CALD1: variants seen among roughly 807,000 people sequenced by gnomAD.
The protein encoded by CALD1 is caldesmon 1, also known as caldesmon.
In CALD1, 33 loss-of-function variants were observed where a neutral mutation model predicts 99.9. The ratio of observed to expected loss-of-function variants is 0.33; its 90% CI spans 0.25 to 0.44. The LOEUF (loss-of-function observed/expected upper bound fraction) is 0.44, where lower values mean the gene tolerates loss of function less well. Among genes scored for constraint, CALD1 ranks in the 20% least tolerant of loss-of-function variants. The probability of loss-of-function intolerance (pLI) is 1.00; values close to 1 mark genes in which losing one functional copy is unlikely to be tolerated. For synonymous variants in CALD1, 310 were observed against 325.0 expected, an observed-to-expected ratio of 0.95 and a Z score of 0.50; for missense variants, 861 against 962.1, an observed-to-expected ratio of 0.89 and a Z score of 1.39.
upstream of CALD1, among the ~76,000 whole-genome samples, chr7:134,739,540 G>A (rs143271714): frequency 1.5e-3 from 236 of 152,266 alleles, 2 homozygotes; most frequent in African/African-American, 5.4e-3. Flanking sequence ...TCCCGTGCAG[G>A]TAGGGTGGTC....
chr7:134,868,009 T>C, intron 3 of CALD1: 1 of 383,606 alleles, frequency 2.6e-6, no homozygotes. Flanking sequence ...AAAAGAGAGA[T>C]TTGAGAGGAA....
At chr7:134,791,704 G>T (rs960401351) in intron 1 of CALD1, among the ~76,000 whole-genome samples, 2 of 152,176 alleles carry the variant, frequency 1.3e-5, no homozygotes, top group Admixed American at 1.3e-4. Flanking sequence ...AAATAGTCTG[G>T]TCATCTTCTC....
Position 134,851,486 on chromosome 7 carries a change from G to A in CALD1, c.-42+7515G>A, listed in dbSNP as rs570136575. On this transcript the variant is annotated intron_variant, in intron 2 of 14. Coordinates refer to ENST00000361675, the MANE Select transcript of CALD1 (RefSeq NM_033138.4). ...CAAGCACTTGCTTAGAAACAGAGAC[G>A]AGTACAACCTAATGTCAGAGCTGGC... Among the ~76,000 whole-genome samples the A allele has an allele frequency of 3.9e-5, 6 of 152,304 alleles. No homozygotes were observed. The South Asian group carries it at 6.2e-4, about 16-fold the overall frequency.
intron 1 of CALD1, among the ~76,000 whole-genome samples, chr7:134,819,859 T>G (rs768478850): frequency 6.7e-6 from 1 of 150,254 alleles, no homozygotes; most frequent in African/African-American, 2.4e-5. Context: ...CTAGGCAACA[T>G]AGTGACAATC....
At chr7:134,743,730 T>C (rs747384841), upstream of CALD1, among the ~76,000 whole-genome samples, 4 of 152,248 alleles carry the variant, frequency 2.6e-5, no homozygotes, top group Non-Finnish European at 5.9e-5. Flanking sequence ...TGACAGTGTC[T>C]GTAGTCTAAC....
chr7:134,906,289 T>C (rs1215998656), intron 3 of CALD1, among the ~76,000 whole-genome samples: 1 of 152,164 alleles, frequency 6.6e-6, no homozygotes, highest in East Asian at 1.9e-4. Context: ...AACTGAGACC[T>C]GGAAAGAAAT....
chr7:134,917,410 G>A (rs1050923048), intron 3 of CALD1, among the ~76,000 whole-genome samples: 3 of 152,070 alleles, frequency 2.0e-5, no homozygotes, highest in East Asian at 1.9e-4. Context: ...GTGCAATGGC[G>A]TGGTCTCAGC....
chr7:134,726,440 T>A, the CALD1 span, among the ~76,000 whole-genome samples: 1 of 91,084 alleles, frequency 1.1e-5, no homozygotes, highest in African/African-American at 4.3e-5. Context: ...ATTATATAGC[T>A]TTATATATAT....
At chr7:134,872,450 C>G (rs1172866682) in intron 3 of CALD1, among the ~76,000 whole-genome samples, 1 of 151,546 alleles carries the variant, frequency 6.6e-6, no homozygotes, top group Admixed American at 6.6e-5. Context: ...TCCTTGTCTT[C>G]CATTTGGCTT....
chr7:134,841,842 A>T (rs1799663517), intron 1 of CALD1, among the ~76,000 whole-genome samples: 1 of 152,088 alleles, frequency 6.6e-6, no homozygotes, highest in South Asian at 2.1e-4. Flanking sequence ...AAGTTTCATG[A>T]TCCCAGAGCA....
chr7:134,740,493 C>T (rs904819398), upstream of CALD1, among the ~76,000 whole-genome samples: 2 of 152,034 alleles, frequency 1.3e-5, no homozygotes, highest in African/African-American at 4.8e-5. Flanking sequence ...GTGAAAAGGC[C>T]CTGGGGGTCT....
chr7:134,843,068 A>G (rs1364474090), intron 1 of CALD1, among the ~76,000 whole-genome samples: 1 of 152,168 alleles, frequency 6.6e-6, no homozygotes, highest in Non-Finnish European at 1.5e-5. Context: ...AGACAGGCTC[A>G]TTTGCCTAAC....
chr7:134,938,920 T>C (rs956299752), intron 6 of CALD1, among the ~76,000 whole-genome samples: 14 of 152,082 alleles, frequency 9.2e-5, no homozygotes, highest in Non-Finnish European at 2.1e-4. Flanking sequence ...TTGGGGAGAA[T>C]GGAAATTTTT....
chr7:134,737,098 A>G, the CALD1 span, among the ~76,000 whole-genome samples: 1 of 152,124 alleles, frequency 6.6e-6, no homozygotes, highest in South Asian at 2.1e-4. Flanking sequence ...CTTCAAGCAA[A>G]TGACATCTGA....
Position 134,960,050 on chromosome 7 carries a change from A to G in CALD1, c.2138A>G (p.Lys713Arg). 3 of 1,614,182 alleles carry G rather than the reference A, an allele frequency of 1.9e-6. No individual in the cohort carries two copies. Among genetic ancestry groups the G allele is most frequent in the Non-Finnish European group, 2.5e-6 (3 of 1,180,010 alleles). Residue 713 changes from lysine (K) to arginine (R), a missense_variant, in exon 12 of 15, where the codon AAG (lysine) becomes AGG (arginine). Physicochemically the swap from Lys to Arg is conservative, Grantham distance 26. Around this residue, in one of 5 missense-constraint regions of CALD1, gnomAD observed 190 missense variants for 249.0 expected, o/e 0.76. Transcript: ENST00000361675. The part of the protein sequence containing the change: ...PVPAEGVRNI[K>R]SMWEKGNVFS... ...CCTGCTGAAGGTGTACGCAACATCA[A>G]GAGTATGTGGGAGAAAGGGAATGTG...
chr7:134,729,515 C>G, the CALD1 span, among the ~76,000 whole-genome samples: 2,728 of 152,300 alleles, frequency 0.018, 86 homozygotes, highest in African/African-American at 0.06. Context: ...ACGCAGCCCC[C>G]GAGGGCAGGC....
intron 3 of CALD1, among the ~76,000 whole-genome samples, chr7:134,896,142 A>G (rs1008781698): frequency 2.0e-5 from 3 of 152,222 alleles, no homozygotes; most frequent in Non-Finnish European, 4.4e-5. Flanking sequence ...CCAATAGGGA[A>G]CAACACAGCA....
At chr7:134,736,463 G>C in the CALD1 span, among the ~76,000 whole-genome samples, 1 of 152,018 alleles carries the variant, frequency 6.6e-6, no homozygotes, top group Non-Finnish European at 1.5e-5. Context: ...GCAAAATGGG[G>C]CTTCTCAGCA....
chr7:134,871,180 C>G (rs1801057682), intron 3 of CALD1, among the ~76,000 whole-genome samples: 1 of 151,994 alleles, frequency 6.6e-6, no homozygotes, highest in Non-Finnish European at 1.5e-5. Context: ...TTTTTCTTTA[C>G]TACGATCATA....
Sources: gnomAD v4.1 joint callset for allele counts (sites outside exome capture counted in the v4.1 genomes callset) on GRCh38, gnomAD v4.1.1 for gene constraint, gnomAD v4.1.1 regional missense constraint, MANE v1.5 for transcripts, NCBI Gene and HGNC (gene_info 2026-07-23, HGNC 2026-07-21) for gene names.